NALF1: variants seen among roughly 807,000 people sequenced by gnomAD.
The protein encoded by NALF1 is family with sequence similarity 155 member A.
NALF1 carries 3 observed loss-of-function variants against 48.4 expected under a neutral mutation model. The ratio of observed to expected loss-of-function variants is 0.06; its 90% CI spans 0.03 to 0.16. The LOEUF is 0.16. NALF1 is among the 10% of genes least tolerant of loss of function. The pLI, the probability that NALF1 is intolerant of heterozygous loss-of-function variation, is 1.00. For missense variants in NALF1, 526 were observed against 571.5 expected (o/e 0.92, Z 0.81); for synonymous variants, 262 against 245.7 (o/e 1.07, Z -0.62).
intron 1 of NALF1, among the ~76,000 whole-genome samples, chr13:107,349,469 G>T (rs2138943336): frequency 6.6e-6 from 1 of 152,236 alleles, no homozygotes; most frequent in Non-Finnish European, 1.5e-5. Context: ...AGGGCCGGGT[G>T]CAGTGGCTCA....
chr13:107,621,913 G>A (rs963486420), intron 1 of NALF1, among the ~76,000 whole-genome samples: 1 of 152,094 alleles, frequency 6.6e-6, no homozygotes, highest in African/African-American at 2.4e-5. Context: ...GTTCCACCAC[G>A]GATAACTGGG....
At chr13:107,309,432 T>C (rs1166291245) in intron 1 of NALF1, among the ~76,000 whole-genome samples, 1 of 152,222 alleles carries the variant, frequency 6.6e-6, no homozygotes, top group East Asian at 1.9e-4. Context: ...TTACTTTTCT[T>C]AAATTTCTGA....
intron 1 of NALF1, among the ~76,000 whole-genome samples, chr13:107,250,725 GTC>G (rs35448036): frequency 0.15 from 23,384 of 152,028 alleles, 2,279 homozygotes; most frequent in Non-Finnish European, 0.21. Flanking sequence ...TTGGATTTGT[GTC>G]TCTGCCCAAA....
chr13:107,832,753 CCT>C (rs756256082), intron 1 of NALF1, among the ~76,000 whole-genome samples: 40 of 152,278 alleles, frequency 2.6e-4, no homozygotes, highest in Non-Finnish European at 5.3e-4. Flanking sequence ...CTTCTGCTCT[CCT>C]CTGTCTCGCT....
intron 1 of NALF1, among the ~76,000 whole-genome samples, chr13:107,414,411 T>C (rs1207252066): frequency 6.6e-6 from 1 of 151,312 alleles, no homozygotes; most frequent in African/African-American, 2.4e-5. Flanking sequence ...GGAATTCTTA[T>C]AGTTTTCAAA....
At position 107,818,607 on chromosome 13, in the gene NALF1, T is replaced by C. The variant is rs370775386; in HGVS notation, c.915+47075A>G. Among the ~76,000 whole-genome samples, 235 of 112,742 alleles carry C rather than the reference T, an allele frequency of 2.1e-3. 2 individuals carry two copies. The highest frequency in any genetic ancestry group is 7.1e-3 in the African/African-American group (214 of 30,314). 74.0% of individuals were successfully genotyped at this position (112,742 alleles called of 152,430 possible). Reference sequence around the variant, plus strand: ...TCCAGTTGAGGCCGGGCGCGGTGGCTCACGCCTGTAATCCCAGCACTTTGG... The same window carrying C: ...TCCAGTTGAGGCCGGGCGCGGTGGCCCACGCCTGTAATCCCAGCACTTTGG... On this transcript the variant is annotated intron_variant, in intron 1 of 2. Coordinates refer to ENST00000375915, the MANE Select transcript of NALF1 (RefSeq NM_001080396.3).
intron 1 of NALF1, among the ~76,000 whole-genome samples, chr13:107,722,839 A>T (rs1173711036): frequency 6.6e-6 from 1 of 152,144 alleles, no homozygotes; most frequent in Admixed American, 6.6e-5. Context: ...CACCACATGG[A>T]TGGGTTTCAG....
intron 1 of NALF1, among the ~76,000 whole-genome samples, chr13:107,405,369 T>A (rs985263775): frequency 6.6e-6 from 1 of 152,056 alleles, no homozygotes; most frequent in Non-Finnish European, 1.5e-5. Context: ...TCTCACTATA[T>A]CCATTATTGG....
chr13:107,232,685 G>T (rs937165772), intron 1 of NALF1, among the ~76,000 whole-genome samples: 1 of 152,122 alleles, frequency 6.6e-6, no homozygotes, highest in African/African-American at 2.4e-5. Context: ...TGAGGCACTT[G>T]CTTGGGCTGG....
At chr13:107,377,299 G>A (rs1297120699) in intron 1 of NALF1, among the ~76,000 whole-genome samples, 1 of 152,238 alleles carries the variant, frequency 6.6e-6, no homozygotes, top group East Asian at 1.9e-4. Flanking sequence ...TGCAGAGCTA[G>A]AGAAGAAGGA....
At chr13:107,201,743 C>A (rs1879525754) in intron 2 of NALF1, among the ~76,000 whole-genome samples, 1 of 152,170 alleles carries the variant, frequency 6.6e-6, no homozygotes. Flanking sequence ...CTTCCTGGGG[C>A]TTTCTCAGCC....
chr13:107,572,311 G>T (rs2138402656), intron 1 of NALF1, among the ~76,000 whole-genome samples: 1 of 152,128 alleles, frequency 6.6e-6, no homozygotes, highest in South Asian at 2.1e-4. Flanking sequence ...GGCAGAGAAA[G>T]TTTGTCTCCA....
intron 2 of NALF1, among the ~76,000 whole-genome samples, chr13:107,172,468 A>T (rs1360721997): frequency 6.6e-6 from 1 of 152,210 alleles, no homozygotes; most frequent in Non-Finnish European, 1.5e-5. Flanking sequence ...CAAATAATAT[A>T]CACTTCAATC....
chr13:107,794,347 C>T (rs1344972781), intron 1 of NALF1, among the ~76,000 whole-genome samples: 1 of 152,006 alleles, frequency 6.6e-6, no homozygotes, highest in Non-Finnish European at 1.5e-5. Context: ...CTTGAATAAT[C>T]GTTGAGTCCT....
intron 1 of NALF1, among the ~76,000 whole-genome samples, chr13:107,492,075 C>T (rs138713413): frequency 8.0e-6 from 1 of 125,314 alleles, no homozygotes; most frequent in East Asian, 2.4e-4. Flanking sequence ...CAGAGTATCA[C>T]TCTGTCGCCC....
intron 1 of NALF1, among the ~76,000 whole-genome samples, chr13:107,864,365 A>G (rs1277656121): frequency 6.6e-6 from 1 of 152,230 alleles, no homozygotes; most frequent in Non-Finnish European, 1.5e-5. Context: ...ATCCGCCCAA[A>G]GTAAAATATG....
At chr13:107,315,894 T>G (rs1375743621) in intron 1 of NALF1, among the ~76,000 whole-genome samples, 1 of 149,498 alleles carries the variant, frequency 6.7e-6, no homozygotes, top group Non-Finnish European at 1.5e-5. Context: ...TAGATATATA[T>G]ATATATTTAT....
At chr13:107,697,837 A>G (rs145206978) in intron 1 of NALF1, among the ~76,000 whole-genome samples, 164 of 152,272 alleles carry the variant, frequency 1.1e-3, no homozygotes, top group African/African-American at 3.8e-3. Context: ...TTCGTTTAGC[A>G]AAGAGCCAAC....
Position 107,170,414 on chromosome 13 carries a change from G to T in NALF1, c.*83C>A. 1.4e-6 allele frequency: 2 copies of T among 1,409,970 alleles called. No individual in the cohort carries two copies. The highest frequency in any genetic ancestry group is 1.9e-6 in the Non-Finnish European group (2 of 1,039,308). 87.3% of individuals were successfully genotyped at this position (1,409,970 alleles called of 1,614,324 possible). A position where few individuals can be genotyped will look rare whatever the true frequency, so the allele number is the denominator to read the frequency against. ...TGCAATAAGTAATTCGAGGGTAAAAGCACCCAGTTTCTGTTACATGAGACA... is the reference window on the plus strand; with the variant it reads ...TGCAATAAGTAATTCGAGGGTAAAATCACCCAGTTTCTGTTACATGAGACA... On this transcript the variant is annotated 3_prime_UTR_variant, in exon 3 of 3. Transcript: ENST00000375915.
Sources: allele counts gnomAD v4.1 joint callset (sites outside exome capture counted in the v4.1 genomes callset), GRCh38; gene constraint gnomAD v4.1.1; transcripts MANE v1.5; gene names NCBI Gene and HGNC (gene_info 2026-07-23, HGNC 2026-07-21).